The following TRIM24 variants were observed in gnomAD, a reference collection of about 807,000 sequenced individuals.
TRIM24 encodes the protein transcription intermediary factor 1-alpha.
Under a neutral mutation model 123.9 loss-of-function variants are expected in TRIM24, and 29 were observed. The ratio of observed to expected loss-of-function variants is 0.23; its 90% CI spans 0.17 to 0.32. The LOEUF is 0.32. Ranked by LOEUF, TRIM24 falls within the 10% of genes least tolerant of loss-of-function variation. TRIM24 has a pLI of 1.00. For missense variants in TRIM24, 932 were observed against 1,295.3 expected, an observed-to-expected ratio of 0.72 and a Z score of 4.31; for synonymous variants, 456 against 461.1, an observed-to-expected ratio of 0.99 and a Z score of 0.14.
chr7:138,504,441 CCAGCT>C, intron 2 of TRIM24, 33 bp downstream of exon 2: 2 of 949,054 alleles, frequency 2.1e-6, no homozygotes, highest in Non-Finnish European at 3.0e-6. Flanking sequence ...CTTTTGCCTG[CCAGCT>C]CTTTTTTTTT....
intron 14 of TRIM24, 108 bp downstream of exon 14, chr7:138,577,696 T>G: frequency 1.1e-6 from 1 of 932,162 alleles, no homozygotes; most frequent in Non-Finnish European, 1.5e-6. Context: ...TAAAAGGATT[T>G]AAAGACAATT....
chr7:138,521,710 G>C (rs956943199), intron 4 of TRIM24, among the ~76,000 whole-genome samples: 100 of 152,134 alleles, frequency 6.6e-4, no homozygotes, highest in African/African-American at 2.3e-3. Flanking sequence ...CTTTTTATGA[G>C]AAATATCTAA....
chr7:138,549,372 G>GA (rs1797165312), intron 7 of TRIM24, among the ~76,000 whole-genome samples: 1 of 152,114 alleles, frequency 6.6e-6, no homozygotes, highest in Non-Finnish European at 1.5e-5. Flanking sequence ...CACCAACAAT[G>GA]GAGACTGAGA....
intron 7 of TRIM24, 33 bp from the exon 8 acceptor site, chr7:138,551,030 C>A: frequency 6.4e-7 from 1 of 1,567,306 alleles, no homozygotes; most frequent in South Asian, 1.1e-5. Context: ...AATTATTTGC[C>A]TAATATTTAG....
At chr7:138,515,680 TTAAA>T (rs1424440282) in intron 3 of TRIM24, among the ~76,000 whole-genome samples, 2 of 152,208 alleles carry the variant, frequency 1.3e-5, no homozygotes, top group East Asian at 1.9e-4. Context: ...AAGAGTGGGC[TTAAA>T]TATTTTATAA....
chr7:138,528,352 T>A (rs1418135609), intron 5 of TRIM24, among the ~76,000 whole-genome samples: 1 of 151,750 alleles, frequency 6.6e-6, no homozygotes, highest in Admixed American at 6.6e-5. Context: ...GTTGGGGGAG[T>A]GCTGGGAGAG....
In TRIM24 at chr7:138,551,199, A is replaced by G. The variant is rs761281575; in HGVS notation, c.1261+19A>G. The stretch of plus-strand genomic sequence containing the variant: ...AACTTAGGTGGGCCATTACCATTAC[A>G]TACATTTCTCAGTGGCATTTGTCTG... On this transcript the variant is annotated intron_variant, in intron 8 of 18. Coordinates refer to ENST00000343526, the MANE Select transcript of TRIM24 (RefSeq NM_015905.3). 1 of 1,566,334 alleles carries G rather than the reference A, an allele frequency of 6.4e-7. No individual in the cohort carries two copies.
At chr7:138,533,679 T>C (rs1218810715) in intron 6 of TRIM24, among the ~76,000 whole-genome samples, 1 of 152,226 alleles carries the variant, frequency 6.6e-6, no homozygotes, top group Non-Finnish European at 1.5e-5. Flanking sequence ...AAATTCTCTT[T>C]TTTTGTTGTG....
chr7:138,481,056 G>C (rs1795515983), intron 1 of TRIM24, among the ~76,000 whole-genome samples: 1 of 151,862 alleles, frequency 6.6e-6, no homozygotes, highest in Non-Finnish European at 1.5e-5. Flanking sequence ...GCAATGGTGT[G>C]ATCTCAGCTT....
intron 2 of TRIM24, 124 bp from the exon 3 acceptor site, chr7:138,515,088 C>G: frequency 1.1e-6 from 1 of 904,178 alleles, no homozygotes; most frequent in Non-Finnish European, 1.6e-6. Context: ...TTTAAAATTT[C>G]CCAACACCAT....
chr7:138,480,217 G>C (rs889102147), intron 1 of TRIM24, among the ~76,000 whole-genome samples: 2 of 152,154 alleles, frequency 1.3e-5, no homozygotes, highest in Non-Finnish European at 2.9e-5. Flanking sequence ...TACCACCTCA[G>C]TCTCCCAAAG....
At chr7:138,537,173 G>A (rs1796896403) in intron 6 of TRIM24, among the ~76,000 whole-genome samples, 1 of 152,018 alleles carries the variant, frequency 6.6e-6, no homozygotes, top group African/African-American at 2.4e-5. Context: ...CGGGTGAGGC[G>A]ATACCTTGCC....
At chr7:138,579,749 C>T (rs890105988) in intron 15 of TRIM24, among the ~76,000 whole-genome samples, 1 of 152,108 alleles carries the variant, frequency 6.6e-6, no homozygotes, top group Non-Finnish European at 1.5e-5. Context: ...CAGGGAGACC[C>T]TGTCTGTCTG....
chr7:138,467,106 T>C (rs1026674409), intron 1 of TRIM24, among the ~76,000 whole-genome samples: 1 of 152,214 alleles, frequency 6.6e-6, no homozygotes, highest in African/African-American at 2.4e-5. Context: ...CTTTATTGAT[T>C]TGTCCATTCA....
chr7:138,577,361 T>C, intron 13 of TRIM24, 59 bp from the exon 14 acceptor site: 3 of 1,343,450 alleles, frequency 2.2e-6, no homozygotes, highest in Non-Finnish European at 3.0e-6. Flanking sequence ...GTTATACTTT[T>C]TATGAGGTAT....
rs114369002 is a variant in TRIM24 at position 138,502,288 on chromosome 7, C to T, written c.365-2002C>T. 6.2e-3 allele frequency among the ~76,000 whole-genome samples: 940 copies of T among 152,308 alleles called. 11 individuals are homozygous for T. The highest frequency in any genetic ancestry group is 0.022 in the African/African-American group (894 of 41,550). On this transcript the variant is annotated intron_variant, in intron 1 of 18. Coordinates refer to ENST00000343526, the MANE Select transcript of TRIM24 (RefSeq NM_015905.3). ...GCTAGACCTGTTCTGTGCATTTACT[C>T]ATGTGAAATTGTTACAACAATCCTG...
chr7:138,535,415 T>G (rs965907422), intron 6 of TRIM24, among the ~76,000 whole-genome samples: 1 of 152,202 alleles, frequency 6.6e-6, no homozygotes, highest in Non-Finnish European at 1.5e-5. Flanking sequence ...GGCCTGGTGG[T>G]GACAAAATCT....
chr7:138,568,962 G>A (rs1316771529), intron 10 of TRIM24, among the ~76,000 whole-genome samples: 1 of 151,892 alleles, frequency 6.6e-6, no homozygotes, highest in Non-Finnish European at 1.5e-5. Flanking sequence ...ATTTGCCTTT[G>A]CTATATCATC....
intron 1 of TRIM24, among the ~76,000 whole-genome samples, chr7:138,472,388 T>G (rs915419786): frequency 1.3e-5 from 2 of 152,132 alleles, no homozygotes; most frequent in African/African-American, 4.8e-5. Context: ...GAGACACACT[T>G]TCTCTTGTGA....
Sources: allele counts gnomAD v4.1 joint callset (sites outside exome capture counted in the v4.1 genomes callset), GRCh38; gene constraint gnomAD v4.1.1; transcripts MANE v1.5; gene names NCBI Gene and HGNC (gene_info 2026-07-23, HGNC 2026-07-21).